Variants in COL4A6 observed in about 807,000 individuals in gnomAD.
COL4A6 encodes the protein collagen alpha-6(IV) chain.
COL4A6 carries 59 observed loss-of-function variants against 126.7 expected under a neutral mutation model. That is an observed-to-expected ratio of 0.47 (90% CI 0.38 to 0.58). COL4A6 has a LOEUF of 0.58. Ranked by LOEUF, COL4A6 falls within the 20% of genes least tolerant of loss-of-function variation. The pLI is 0.00. For missense variants in COL4A6, 1,285 were observed against 1,337.3 expected, an observed-to-expected ratio of 0.96 and a Z score of 0.61; for synonymous variants, 547 against 496.6, an observed-to-expected ratio of 1.10 and a Z score of -1.35.
chrX:108,169,948 G>A lies in COL4A6; in HGVS notation c.3562C>T (p.Pro1188Ser). 8.4e-7 allele frequency: 1 copy of A among 1,184,608 alleles called. No individual in the cohort carries two copies. The highest frequency in any genetic ancestry group is 1.9e-5 in the South Asian group (1 of 53,783). Reference protein sequence around the residue: ...LPGTKGTHGTPGPSITGVPGP... With the variant: ...LPGTKGTHGTSGPSITGVPGP... ...TCACCCTGAGGGTCTTCCTAACCTG[G>A]AGTGCCATGGGTACCCTTGGTGCCC... The change falls in exon 36 of 45, where the codon CCA becomes TCA. Residue 1188 changes from proline (P) to serine (S), a missense_variant. Physicochemically the swap from Pro to Ser is moderately conservative, Grantham distance 74. Coordinates refer to ENST00000334504, the MANE Select transcript of COL4A6 (RefSeq NM_033641.4).
chrX:108,439,231 C>A, upstream of COL4A6: 1 of 274,033 alleles, frequency 3.6e-6, no homozygotes, highest in Non-Finnish European at 6.6e-6. Flanking sequence ...TGCAGCTAAA[C>A]AGAGATATAG....
chrX:108,312,380 C>T (rs1046900701), intron 2 of COL4A6, among the ~76,000 whole-genome samples: 4 of 112,050 alleles, frequency 3.6e-5, no homozygotes, highest in East Asian at 2.8e-4. Context: ...CTTCCTTATA[C>T]GTTATATTTT....
chrX:108,216,565 C>A (rs890464739), intron 5 of COL4A6, among the ~76,000 whole-genome samples: 1 of 112,714 alleles, frequency 8.9e-6, no homozygotes, highest in African/African-American at 3.2e-5. Flanking sequence ...CTGAGCTCTA[C>A]CTCCTCTCAG....
chrX:108,352,075 C>T (rs1217619024), intron 2 of COL4A6, among the ~76,000 whole-genome samples: 1 of 112,827 alleles, frequency 8.9e-6, no homozygotes, highest in Non-Finnish European at 1.9e-5. Flanking sequence ...GAATACTCTG[C>T]CTGCGGCCTT....
chrX:108,204,381 G>C lies in COL4A6; in HGVS notation c.719C>G (p.Pro240Arg), dbSNP rs1208338662. The part of the protein sequence containing the change: ...GDVGLPGPAG[P>R]PPSTGELEFM... ...TTCCAGCTCTCCAGTAGATGGTGGA[G>C]GTCCTGCTGGGCCAGGGAGGCCAAC... is the stretch of plus-strand genomic sequence containing the variant. Residue 240 changes from proline to arginine, a missense_variant, in exon 12 of 45, where the codon CCT becomes CGT. Pro to Arg is a moderately radical substitution (Grantham distance 103). Coordinates refer to ENST00000334504, the MANE Select transcript of COL4A6 (RefSeq NM_033641.4). 1 of 1,204,836 alleles carries C rather than the reference G, an allele frequency of 8.3e-7. No individual in the cohort carries two copies. The highest frequency in any genetic ancestry group is 3.0e-5 in the East Asian group (1 of 33,651).
At chrX:108,404,368 T>C (rs2041160620) in intron 2 of COL4A6, among the ~76,000 whole-genome samples, 1 of 111,995 alleles carries the variant, frequency 8.9e-6, no homozygotes, top group African/African-American at 3.2e-5. Context: ...ATGATATAAA[T>C]CTTGTTGCTT....
chrX:108,200,746 AAG>A (rs2035366804), intron 13 of COL4A6, among the ~76,000 whole-genome samples: 1 of 111,788 alleles, frequency 8.9e-6, no homozygotes, highest in Admixed American at 9.5e-5. Flanking sequence ...AAGTAGCCAG[AAG>A]AGAGATTTGA....
At chrX:108,340,256 T>C (rs1375234853) in intron 2 of COL4A6, among the ~76,000 whole-genome samples, 1 of 111,735 alleles carries the variant, frequency 8.9e-6, no homozygotes, top group African/African-American at 3.3e-5. Context: ...CTATGGCTAT[T>C]GGACACCTGA....
chrX:108,163,021 C>T lies in COL4A6; in HGVS notation c.4087G>A (p.Gly1363Ser). ...AGPRGSSGLQ[G>S]DPGQTPTAEA... ...GCAGTTGGTGTTTGTCCAGGATCAC[C>T]TTGGAGGCCAGAAGAGCCTGTGGGC... Residue 1363 changes from glycine (G) to serine (S), a missense_variant, in exon 41 of 45, where the codon GGT becomes AGT. Physicochemically the swap from Gly to Ser is moderately conservative, Grantham distance 56. Transcript: ENST00000334504. The T allele has an allele frequency of 2.5e-6, 3 of 1,197,999 alleles. No homozygotes were observed. The highest frequency in any genetic ancestry group is 3.4e-6 in the Non-Finnish European group (3 of 890,462).
chrX:108,203,099 G>T, intron 12 of COL4A6, 118 bp from the exon 13 acceptor site: 1 of 597,744 alleles, frequency 1.7e-6, no homozygotes. Flanking sequence ...TCAAGATTAG[G>T]GTAGCAGAGA....
At chrX:108,313,650 T>G (rs1444379156) in intron 2 of COL4A6, among the ~76,000 whole-genome samples, 2 of 110,953 alleles carry the variant, frequency 1.8e-5, no homozygotes, top group African/African-American at 6.6e-5. Flanking sequence ...AGCAAAAATT[T>G]TAAAAGCACA....
intron 3 of COL4A6, among the ~76,000 whole-genome samples, chrX:108,265,807 A>T (rs186885694): frequency 1.0e-3 from 116 of 111,264 alleles, no homozygotes; most frequent in African/African-American, 3.5e-3. Context: ...GGGCTACCAG[A>T]TCATGAAGAC....
chrX:108,158,578 G>A (rs1433471980), intron 44 of COL4A6, among the ~76,000 whole-genome samples: 1 of 112,266 alleles, frequency 8.9e-6, no homozygotes, highest in Non-Finnish European at 1.9e-5. Flanking sequence ...AAGGACAGGT[G>A]AGGTGATTCT....
Position 108,211,736 on chromosome X carries a change from A to G in COL4A6, c.446T>C (p.Leu149Pro). Residue 149 changes from leucine to proline, a missense_variant, in exon 7 of 45, where the codon CTT becomes CCT. By Grantham distance (98) the Leu-to-Pro change is moderately conservative (BLOSUM62 -3). Transcript: ENST00000334504. ...GYPGLLGPPG[L>P]PGQKGSKGDP... ...ACCTTTTGATCCTTTCTGACCAGGA[A>G]GCCCCTGAGTAAAATAGTTTAAAAA... 1 of 1,208,773 alleles carries G rather than the reference A, an allele frequency of 8.3e-7. No homozygotes were observed. Among genetic ancestry groups the G allele is most frequent in the Non-Finnish European group, 1.1e-6 (1 of 892,803 alleles).
rs151224348 is a variant in COL4A6 at position 108,204,362 on chromosome X, C to G, written c.738G>C (p.Glu246Asp). ...CTTTGGGGAATCCCATGAATTCCAG[C>G]TCTCCAGTAGATGGTGGAGGTCCTG... ...GPAGPPPSTGELEFMGFPKGK... is the reference protein window; with the variant it reads ...GPAGPPPSTGDLEFMGFPKGK... Residue 246 changes from glutamate (E) to aspartate (D), a missense_variant, in exon 12 of 45, where the codon GAG (glutamate) becomes GAC (aspartate). Glu to Asp is a conservative substitution (Grantham distance 45). Transcript: ENST00000334504. The G allele has an allele frequency of 1.5e-4, 175 of 1,203,326 alleles. 2 individuals are homozygous for G. The highest frequency in any genetic ancestry group is 1.8e-4 in the Non-Finnish European group (164 of 891,152).
intron 3 of COL4A6, among the ~76,000 whole-genome samples, chrX:108,290,434 GT>G (rs1428306460): frequency 2.7e-5 from 3 of 112,213 alleles, no homozygotes; most frequent in African/African-American, 9.7e-5. Flanking sequence ...CTGTCTCACA[GT>G]TACTATTAAG....
At position 108,175,677 on chromosome X, in the gene COL4A6, C is replaced by A. The variant is rs140519216; in HGVS notation, c.2807G>T (p.Arg936Leu). ...GSTGKMGPSG[R>L]AGTPGEKGDR... ...ACCCTTTTCACCAGGAGTACCAGCA[C>A]GTCCAGATGGTCCCATTTTTCCAGT... The change falls in exon 29 of 45, where the codon CGT becomes CTT. Residue 936 changes from arginine to leucine, a missense_variant. By Grantham distance (102) the Arg-to-Leu change is moderately radical. Transcript: ENST00000334504. 5 of 1,206,141 alleles carry A rather than the reference C, an allele frequency of 4.1e-6. No individual in the cohort carries two copies. Among genetic ancestry groups the A allele is most frequent in the Non-Finnish European group, 5.6e-6 (5 of 891,784 alleles).
chrX:108,301,381 A>G (rs1171064022), intron 3 of COL4A6, among the ~76,000 whole-genome samples: 1 of 112,234 alleles, frequency 8.9e-6, no homozygotes, highest in Non-Finnish European at 1.9e-5. Context: ...TTTAAAACCC[A>G]GACAGGGATA....
intron 3 of COL4A6, among the ~76,000 whole-genome samples, chrX:108,241,177 CACTT>C (rs1036415288): frequency 8.1e-5 from 9 of 110,546 alleles, no homozygotes; most frequent in Admixed American, 5.8e-4. Context: ...GTATATAAAA[CACTT>C]AATATAATGC....
Sources: allele counts gnomAD v4.1 joint callset (sites outside exome capture counted in the v4.1 genomes callset), GRCh38; gene constraint gnomAD v4.1.1; transcripts MANE v1.5; gene names NCBI Gene and HGNC (gene_info 2026-07-23, HGNC 2026-07-21).